LNX1: variants seen among roughly 807,000 people sequenced by gnomAD.
LNX1 encodes ligand of numb-protein X 1.
Under a neutral mutation model 68.4 loss-of-function variants are expected in LNX1, and 54 were observed. That is an observed-to-expected ratio of 0.79 (90% confidence interval 0.63 to 0.99). The LOEUF (loss-of-function observed/expected upper bound fraction) is 0.99, where lower values mean the gene tolerates loss of function less well. Ranked by LOEUF, LNX1 falls within the 50% of genes least tolerant of loss-of-function variation. The pLI, the probability that LNX1 is intolerant of heterozygous loss-of-function variation, is 0.00. For missense variants in LNX1, 906 were observed against 926.4 expected (o/e 0.98, Z 0.29); for synonymous variants, 336 against 350.0 (o/e 0.96, Z 0.45).
chr4:53,550,218 C>A (rs1729408862), intron 2 of LNX1, among the ~76,000 whole-genome samples: 1 of 152,180 alleles, frequency 6.6e-6, no homozygotes. Flanking sequence ...TTTAAAAATT[C>A]AAGGAAAAAT....
At chr4:53,591,040 A>G (rs1242776680) in intron 1 of LNX1, among the ~76,000 whole-genome samples, 1 of 152,228 alleles carries the variant, frequency 6.6e-6, no homozygotes, top group Non-Finnish European at 1.5e-5. Context: ...AAACGGGCTG[A>G]ACAGATCTGC....
intron 1 of LNX1, among the ~76,000 whole-genome samples, chr4:53,631,738 C>T (rs922153506): frequency 8.5e-5 from 13 of 152,054 alleles, no homozygotes; most frequent in African/African-American, 3.1e-4. Context: ...TATGTAGGCC[C>T]AAAGTGACTG....
chr4:53,512,045 T>C (rs1462628123), intron 2 of LNX1, among the ~76,000 whole-genome samples: 1 of 152,196 alleles, frequency 6.6e-6, no homozygotes, highest in Non-Finnish European at 1.5e-5. Context: ...TTTGGGTTCA[T>C]TAATTGTCCA....
chr4:53,620,554 A>C (rs1733831480), upstream of LNX1, among the ~76,000 whole-genome samples: 1 of 152,162 alleles, frequency 6.6e-6, no homozygotes, highest in South Asian at 2.1e-4. Flanking sequence ...AAACTAAAAG[A>C]CATGACTGAA....
At chr4:53,639,802 C>T (rs10027453) in intron 1 of LNX1, among the ~76,000 whole-genome samples, 4,120 of 152,134 alleles carry the variant, frequency 0.027, 194 homozygotes, top group African/African-American at 0.091. Flanking sequence ...GAGGCCGAGG[C>T]GGGTGGATCA....
intron 9 of LNX1, among the ~76,000 whole-genome samples, chr4:53,464,559 T>A (rs979977140): frequency 6.6e-6 from 1 of 152,130 alleles, no homozygotes; most frequent in African/African-American, 2.4e-5. Flanking sequence ...AACTTTTTTT[T>A]AAAGTTATGA....
chr4:53,619,161 G>A (rs1733779960), upstream of LNX1, among the ~76,000 whole-genome samples: 1 of 151,984 alleles, frequency 6.6e-6, no homozygotes, highest in South Asian at 2.1e-4. Flanking sequence ...AACATTAGAT[G>A]GCCTTAATTT....
intron 2 of LNX1, among the ~76,000 whole-genome samples, chr4:53,550,152 G>A (rs1560659985): frequency 6.6e-6 from 1 of 152,230 alleles, no homozygotes; most frequent in Non-Finnish European, 1.5e-5. Flanking sequence ...ATTTTGGTGA[G>A]TTCAATGTAA....
chr4:53,541,770 T>C (rs555497376), intron 2 of LNX1, among the ~76,000 whole-genome samples: 57 of 152,228 alleles, frequency 3.7e-4, no homozygotes, highest in African/African-American at 1.3e-3. Context: ...CCAAGAAGCT[T>C]GAAGGAACAC....
chr4:53,525,165 G>A (rs899964174), intron 2 of LNX1, among the ~76,000 whole-genome samples: 17 of 151,866 alleles, frequency 1.1e-4, no homozygotes, highest in African/African-American at 3.1e-4. Context: ...ATCCCCTTTC[G>A]TTACACATTA....
upstream of LNX1, among the ~76,000 whole-genome samples, chr4:53,620,660 T>A (rs1256712260): frequency 6.6e-6 from 1 of 151,920 alleles, no homozygotes; most frequent in African/African-American, 2.4e-5. Flanking sequence ...ATGCAATACA[T>A]CAGTGTAGCA....
At chr4:53,599,441 T>A (rs1437949269) in intron 2 of LNX1, among the ~76,000 whole-genome samples, 4 of 152,226 alleles carry the variant, frequency 2.6e-5, no homozygotes, top group African/African-American at 9.6e-5. Context: ...AATCCACCCC[T>A]TATTTAGCAT....
chr4:53,570,037 G>A (rs1731032597), intron 2 of LNX1, among the ~76,000 whole-genome samples: 1 of 152,152 alleles, frequency 6.6e-6, no homozygotes, highest in Non-Finnish European at 1.5e-5. Context: ...AGGATGTGGA[G>A]AAATACGAAC....
chr4:53,508,248 A>T, intron 2 of LNX1, 21 bp from the exon 3 acceptor site: 1 of 1,606,378 alleles, frequency 6.2e-7, no homozygotes, highest in Non-Finnish European at 8.5e-7. Flanking sequence ...ACCAGCGGGG[A>T]GGTGAAGAAG....
Position 53,460,723 on chromosome 4 carries a change from G to GTT in LNX1, c.*182_*183dup, listed in dbSNP as rs1194083431. On this transcript the variant is annotated 3_prime_UTR_variant, in exon 11 of 11. Coordinates refer to ENST00000263925, the MANE Select transcript of LNX1 (RefSeq NM_001126328.3). ...CCTCCACACTGAAAAAAAACTAGTA[G>GTT]TTTTAATTTTTTTGGAATCATATTT... The GTT allele has an allele frequency of 5.2e-6, 3 of 572,774 alleles. No homozygotes were observed. The highest frequency in any genetic ancestry group is 8.8e-6 in the Non-Finnish European group (3 of 340,726). The allele number at this position is 572,774 out of a possible 1,614,324, so 35.5% of individuals were successfully genotyped here.
At chr4:53,544,928 A>G (rs546188480) in intron 2 of LNX1, among the ~76,000 whole-genome samples, 2 of 152,302 alleles carry the variant, frequency 1.3e-5, no homozygotes, top group South Asian at 2.1e-4. Flanking sequence ...CCCGCTTGTG[A>G]TCATAATGCA....
chr4:53,499,292 A>G (rs1474979264), intron 4 of LNX1, among the ~76,000 whole-genome samples: 1 of 152,020 alleles, frequency 6.6e-6, no homozygotes, highest in Non-Finnish European at 1.5e-5. Flanking sequence ...CCAAGTAGCT[A>G]AGACTACAGG....
intron 4 of LNX1, among the ~76,000 whole-genome samples, chr4:53,499,732 G>C (rs937523845): frequency 8.5e-5 from 13 of 152,120 alleles, no homozygotes; most frequent in Non-Finnish European, 1.9e-4. Flanking sequence ...TCAGGCTTGG[G>C]GGAACATCAG....
chr4:53,576,118 C>T (rs1731475404), intron 1 of LNX1: 1 of 1,555,502 alleles, frequency 6.4e-7, no homozygotes, highest in Non-Finnish European at 8.7e-7. Context: ...GAGCCAGCGG[C>T]CCCTCCTTGA....
Sources: allele counts gnomAD v4.1 joint callset (sites outside exome capture counted in the v4.1 genomes callset), GRCh38; gene constraint gnomAD v4.1.1; transcripts MANE v1.5; gene names NCBI Gene and HGNC (gene_info 2026-07-23, HGNC 2026-07-21).